PMM1: variants seen among roughly 807,000 people sequenced by gnomAD.
PMM1 encodes the protein brain glucose-1,6-bisphosphatase.
Under a neutral mutation model 34.0 loss-of-function variants are expected in PMM1, and 25 were observed. The ratio of observed to expected loss-of-function variants is 0.73; its 90% CI spans 0.54 to 1.03. The LOEUF (loss-of-function observed/expected upper bound fraction) is 1.03, where lower values mean the gene tolerates loss of function less well. Ranked by LOEUF, PMM1 falls within the 50% of genes least tolerant of loss-of-function variation. PMM1 has a pLI of 0.00. For missense variants in PMM1, 321 were observed against 350.1 expected, an observed-to-expected ratio of 0.92 and a Z score of 0.66; for synonymous variants, 134 against 143.9, an observed-to-expected ratio of 0.93 and a Z score of 0.49.
intron 5 of PMM1, chr22:41,579,812 C>G (rs1300355314): frequency 6.6e-6 from 1 of 152,392 alleles, no homozygotes; most frequent in African/African-American, 2.4e-5. Flanking sequence ...AGGCAAGTAG[C>G]CAGGCTTGGC....
rs765767152 is a variant in PMM1 at position 41,577,843 on chromosome 22, C to T, written c.631G>A (p.Asp211Asn). ...CLDSLDQDSF[D>N]TIHFFGNETS... ...TCGTTCCCAAAGAAGTGGATGGTGT[C>T]GAAGCTGTCCTGGTCCAGGCTATCC... is the stretch of plus-strand genomic sequence containing the variant. Residue 211 changes from aspartate (D) to asparagine (N), a missense_variant, in exon 7 of 8, where the codon GAC (aspartate) becomes AAC (asparagine). Physicochemically the swap from Asp to Asn is conservative, Grantham distance 23. Coordinates refer to ENST00000216259, the MANE Select transcript of PMM1 (RefSeq NM_002676.3). 1.1e-5 allele frequency: 17 copies of T among 1,613,294 alleles called. No individual in the cohort carries two copies. The highest frequency in any genetic ancestry group is 1.1e-5 in the Non-Finnish European group (13 of 1,179,930).
At chr22:41,583,112 T>C (rs149696809) in intron 5 of PMM1, among the ~76,000 whole-genome samples, 49 of 135,700 alleles carry the variant, frequency 3.6e-4, no homozygotes, top group Admixed American at 2.4e-3. Context: ...ATCATCCAGT[T>C]GGCAACGAGG....
At chr22:41,579,050 AC>A in intron 5 of PMM1, 169 bp from the exon 6 acceptor site, 1 of 595,988 alleles carries the variant, frequency 1.7e-6, no homozygotes, top group East Asian at 3.0e-5. Context: ...GGTCAAGGTC[AC>A]CTAGCCCTGG....
At chr22:41,589,698 T>G (rs1453078221) in intron 1 of PMM1, 21 bp downstream of exon 1, 1 of 1,600,490 alleles carries the variant, frequency 6.2e-7, no homozygotes, top group South Asian at 1.1e-5. Flanking sequence ...CGGTGGGAGC[T>G]TCCAATCTTC....
At chr22:41,586,425 T>A in intron 1 of PMM1, 1 of 665,348 alleles carries the variant, frequency 1.5e-6, no homozygotes, top group Non-Finnish European at 2.3e-6. Context: ...AGTTTGAGAC[T>A]AGAGCCTAGG....
At chr22:41,586,214 C>T in intron 1 of PMM1, 21 bp from the exon 2 acceptor site, 1 of 1,603,550 alleles carries the variant, frequency 6.2e-7, no homozygotes, top group Non-Finnish European at 8.5e-7. Context: ...AGAGGGGAAG[C>T]ATAGCATTCT....
chr22:41,579,386 TAGGTAGTGCCC>T (rs1299746309), intron 5 of PMM1: 1 of 160,988 alleles, frequency 6.2e-6, no homozygotes, highest in Non-Finnish European at 1.4e-5. Context: ...GGCTGGGGAC[TAGGTAGTGCCC>T]AGGCCGGCCC....
chr22:41,584,137 G>A, intron 4 of PMM1, 79 bp from the exon 5 acceptor site: 3 of 1,338,896 alleles, frequency 2.2e-6, no homozygotes, highest in African/African-American at 1.4e-5. Context: ...TGGGACCCCA[G>A]CCTCCTAGGA....
At chr22:41,589,458 C>A in intron 1 of PMM1, 2 of 570,192 alleles carry the variant, frequency 3.5e-6, no homozygotes, top group South Asian at 4.0e-5. Flanking sequence ...GGCCCCTGCT[C>A]GCAGCCTCCT....
At chr22:41,578,257 C>T (rs935059279) in intron 6 of PMM1, among the ~76,000 whole-genome samples, 2 of 151,986 alleles carry the variant, frequency 1.3e-5, no homozygotes, top group East Asian at 1.9e-4. Flanking sequence ...GTCCCAGCAA[C>T]GGAGGAGGCC....
intron 1 of PMM1, among the ~76,000 whole-genome samples, chr22:41,587,441 C>CAA (rs56954860): frequency 2.6e-5 from 2 of 76,770 alleles, no homozygotes. Context: ...ATTTCATCTC[C>CAA]AAAAAAAAAA....
intron 1 of PMM1, chr22:41,588,564 A>G: frequency 2.6e-6 from 2 of 771,574 alleles, no homozygotes; most frequent in Non-Finnish European, 3.2e-6. Flanking sequence ...CATGTTAGCC[A>G]GACTGATCTA....
Position 41,577,828 on chromosome 22 carries a change from A to G in PMM1, c.646T>C (p.Phe216Leu), listed in dbSNP as rs760999049. The G allele has an allele frequency of 6.2e-7, 1 of 1,613,422 alleles. No homozygotes were observed. The highest frequency in any genetic ancestry group is 1.1e-5 in the South Asian group (1 of 91,086). ...CTCACAGGGCTAGTCTCGTTCCCAA[A>G]GAAGTGGATGGTGTCGAAGCTGTCC... is the stretch of plus-strand genomic sequence containing the variant. Reference protein sequence around the residue: ...DQDSFDTIHFFGNETSPGGND... With the variant: ...DQDSFDTIHFLGNETSPGGND... The change falls in exon 7 of 8, where the codon TTT becomes CTT. Residue 216 changes from phenylalanine (F) to leucine (L), a missense_variant. By Grantham distance (22) the Phe-to-Leu change is conservative (BLOSUM62 0). Transcript: ENST00000216259.
Position 41,584,071 on chromosome 22 carries a change from G to T in PMM1, c.375-13C>A. ...GATGAAGGTTCCACTGGTGGTGAGG[G>T]AGGGCGGGGAGCCAGAGAGAACCAG... is the stretch of plus-strand genomic sequence containing the variant. On this transcript the variant is annotated splice_polypyrimidine_tract_variant and intron_variant, in intron 4 of 7. Transcript: ENST00000216259. 6.3e-7 allele frequency: 1 copy of T among 1,593,834 alleles called. No individual in the cohort carries two copies. Among genetic ancestry groups the T allele is most frequent in the Non-Finnish European group, 8.6e-7 (1 of 1,161,746 alleles).
intron 1 of PMM1, 169 bp from the exon 2 acceptor site, chr22:41,586,362 T>C: frequency 7.8e-7 from 1 of 1,279,918 alleles, no homozygotes; most frequent in Non-Finnish European, 1.0e-6. Flanking sequence ...GTGGCTCAGG[T>C]CTGCAATCCC....
At chr22:41,583,934 C>A in intron 5 of PMM1, 25 bp downstream of exon 5, 2 of 1,424,582 alleles carry the variant, frequency 1.4e-6, no homozygotes, top group African/African-American at 1.4e-5. Context: ...GCCCTACAGG[C>A]CTAAGATTGC....
chr22:41,586,420 G>A (rs993824269), intron 1 of PMM1: 25 of 697,264 alleles, frequency 3.6e-5, no homozygotes, highest in Non-Finnish European at 3.2e-5. Context: ...CCAGGAGTTT[G>A]AGACTAGAGC....
chr22:41,580,499 A>G (rs1342457519), intron 5 of PMM1: 1 of 152,174 alleles, frequency 6.6e-6, no homozygotes, highest in African/African-American at 2.4e-5. Flanking sequence ...TGGGATGGGA[A>G]CTGCTATTAC....
intron 3 of PMM1, 54 bp downstream of exon 3, chr22:41,584,473 T>C (rs374165330): frequency 4.3e-4 from 679 of 1,571,336 alleles, no homozygotes; most frequent in Non-Finnish European, 5.6e-4. Context: ...CCCCTTGGAC[T>C]GCTCCACTAT....
Sources: gnomAD v4.1 joint callset for allele counts (sites outside exome capture counted in the v4.1 genomes callset) on GRCh38, gnomAD v4.1.1 for gene constraint, MANE v1.5 for transcripts, NCBI Gene and HGNC (gene_info 2026-07-23, HGNC 2026-07-21) for gene names.